VPS13C: variants seen among roughly 807,000 people sequenced by gnomAD.
VPS13C encodes the protein intermembrane lipid transfer protein VPS13C.
A neutral mutation model predicts 456.8 loss-of-function variants in VPS13C; 358 were observed. The observed-to-expected ratio is 0.78, with a 90% CI of 0.72 to 0.86. The LOEUF is 0.86. Among genes scored for constraint, VPS13C ranks in the 40% least tolerant of loss-of-function variants. The pLI, the probability that VPS13C is intolerant of heterozygous loss-of-function variation, is 0.00. For synonymous variants in VPS13C, 1,578 were observed against 1,486.7 expected, an observed-to-expected ratio of 1.06 and a Z score of -1.41; for missense variants, 4,818 against 4,385.4, an observed-to-expected ratio of 1.10 and a Z score of -2.79.
intron 79 of VPS13C, among the ~76,000 whole-genome samples, chr15:61,871,019 A>C (rs1024983387): frequency 2.6e-5 from 4 of 152,102 alleles, no homozygotes; most frequent in Admixed American, 2.6e-4. Context: ...TTTATCACAT[A>C]TATGATTTGC....
intron 1 of VPS13C, among the ~76,000 whole-genome samples, chr15:62,056,421 T>C (rs1416398785): frequency 6.6e-6 from 1 of 152,226 alleles, no homozygotes; most frequent in Non-Finnish European, 1.5e-5. Flanking sequence ...GCGAGCCTTC[T>C]GTTATGCCCG....
rs767551122 is a variant in VPS13C, at chr15:61,964,779, G to A, written c.3134C>T (p.Ser1045Phe). Reference protein sequence around the residue: ...SINYLTTIIPSDDQSISVAKE... With the variant: ...SINYLTTIIPFDDQSISVAKE... ...AGCAACACTTATGCTTTGATCATCA[G>A]ATGGAATAATGGTTGTGAGGTAATT... is the stretch of plus-strand genomic sequence containing the variant. Residue 1045 changes from serine to phenylalanine, a missense_variant, in exon 31 of 85, where the codon TCT (serine) becomes TTT (phenylalanine). Physicochemically the swap from Ser to Phe is radical, Grantham distance 155. This residue lies in a region of VPS13C where 4,552 missense variants were observed against 4,130.6 expected (regional missense o/e 1.10). Transcript: ENST00000644861. The A allele has an allele frequency of 1.2e-6, 2 of 1,612,718 alleles. No homozygotes were observed. The highest frequency in any genetic ancestry group is 2.2e-5 in the South Asian group (2 of 90,916).
intron 66 of VPS13C, among the ~76,000 whole-genome samples, chr15:61,903,460 C>T (rs2043064675): frequency 6.6e-6 from 1 of 151,612 alleles, no homozygotes; most frequent in Non-Finnish European, 1.5e-5. Flanking sequence ...AAAGATTTGA[C>T]CAAAATGTAT....
intron 22 of VPS13C, among the ~76,000 whole-genome samples, chr15:61,980,253 T>C (rs1476941755): frequency 6.9e-6 from 1 of 145,868 alleles, no homozygotes; most frequent in Non-Finnish European, 1.5e-5. Context: ...AGTACCATCT[T>C]AAGGACAAAT....
In VPS13C at chr15:61,921,486, G is replaced by C. The variant is rs547043266; in HGVS notation, c.7062+461C>G. 1.9e-3 allele frequency among the ~76,000 whole-genome samples: 287 copies of C among 151,910 alleles called. 3 individuals are homozygous for C. The highest frequency in any genetic ancestry group is 6.6e-3 in the African/African-American group (272 of 41,450). ...TCTGGTCTCACCCTTAAAAATCACT[G>C]AGTATACTAAAGAGCTTCATTTATG... On this transcript the variant is annotated intron_variant, in intron 55 of 84. Transcript: ENST00000644861.
rs2044713384 is a variant in VPS13C, at chr15:61,949,476, C to A, written c.4726G>T (p.Val1576Leu). Residue 1576 changes from valine (V) to leucine (L), a missense_variant, in exon 42 of 85, where the codon GTG becomes TTG. Around this residue, in one of 3 missense-constraint regions of VPS13C, gnomAD observed 4,552 missense variants for 4,130.6 expected, o/e 1.10. Transcript: ENST00000644861. ...ACAGCGATACTTCTGGACTCCCCCA[C>A]AAGTGGTTTCAGCTCGGATTCCTTC... ...SEKESELKPL[V>L]GESRSIAVKA... The A allele has an allele frequency of 1.2e-6, 2 of 1,613,562 alleles. No individual in the cohort carries two copies. The highest frequency in any genetic ancestry group is 8.5e-7 in the Non-Finnish European group (1 of 1,179,840).
rs2048967375 is a variant in VPS13C at position 62,060,427 on chromosome 15, G to A, written c.-53C>T. On this transcript the variant is annotated 5_prime_UTR_variant, in exon 1 of 85. Transcript: ENST00000644861. ...GGAGCCGGAACCGCCCGGCGCAGCT[G>A]AGGGCTGCGACCAGCGCTGCAAATG... is the stretch of plus-strand genomic sequence containing the variant. 4.3e-6 allele frequency: 4 copies of A among 936,160 alleles called. No individual in the cohort carries two copies. The highest frequency in any genetic ancestry group is 4.2e-5 in the South Asian group (3 of 71,214). 58.0% of individuals were successfully genotyped at this position (936,160 alleles called of 1,614,324 possible).
chr15:61,989,839 C>T (rs1207091739), intron 18 of VPS13C, among the ~76,000 whole-genome samples: 1 of 152,120 alleles, frequency 6.6e-6, no homozygotes, highest in African/African-American at 2.4e-5. Context: ...ATACTGATAG[C>T]GGAAGTGTTT....
intron 29 of VPS13C, among the ~76,000 whole-genome samples, chr15:61,966,370 C>T (rs893252602): frequency 1.3e-5 from 2 of 151,754 alleles, no homozygotes; most frequent in African/African-American, 4.8e-5. Flanking sequence ...TTCTGGGAAA[C>T]TGTAGCTAAG....
intron 47 of VPS13C, 114 bp downstream of exon 47, chr15:61,940,533 T>G: frequency 9.5e-7 from 1 of 1,052,026 alleles, no homozygotes; most frequent in Non-Finnish European, 1.3e-6. Context: ...AAAACTGGTT[T>G]AGCTTTATCA....
At chr15:61,995,680 A>C (rs1299429530) in intron 16 of VPS13C, among the ~76,000 whole-genome samples, 2 of 152,200 alleles carry the variant, frequency 1.3e-5, no homozygotes, top group African/African-American at 4.8e-5. Context: ...AAAAAGCTGG[A>C]GCCTTCCATC....
intron 5 of VPS13C, among the ~76,000 whole-genome samples, chr15:62,028,856 C>T (rs998217731): frequency 6.6e-5 from 10 of 152,036 alleles, no homozygotes; most frequent in Non-Finnish European, 1.3e-4. Flanking sequence ...TTAGTGTGAT[C>T]TGGTCCCTTT....
chr15:61,994,841 G>C (rs1264074719), intron 16 of VPS13C, among the ~76,000 whole-genome samples: 1 of 152,294 alleles, frequency 6.6e-6, no homozygotes, highest in Non-Finnish European at 1.5e-5. Flanking sequence ...GCCCATCTCA[G>C]CTTCCCAAAG....
At chr15:61,884,826 A>G (rs1478589142) in intron 67 of VPS13C, among the ~76,000 whole-genome samples, 3 of 152,144 alleles carry the variant, frequency 2.0e-5, no homozygotes, top group Admixed American at 6.6e-5. Context: ...AGGTGCTGCC[A>G]AATACTGATA....
chr15:61,869,116 C>CTTTTTTTTTTTTTTTTT (rs68084709), intron 80 of VPS13C, among the ~76,000 whole-genome samples: 2 of 131,334 alleles, frequency 1.5e-5, no homozygotes, highest in Non-Finnish European at 3.2e-5. Flanking sequence ...TTTCTTTTTT[C>CTTTTTTTTTTTTTTTTT]TTTTTTTTTT....
chr15:62,038,463 C>T (rs1280001131), intron 3 of VPS13C, among the ~76,000 whole-genome samples: 5 of 151,890 alleles, frequency 3.3e-5, no homozygotes, highest in Admixed American at 2.6e-4. Flanking sequence ...GTGACACACC[C>T]GTCGTTTCAG....
chr15:61,870,618 T>C (rs1044722452), intron 79 of VPS13C, among the ~76,000 whole-genome samples: 1 of 152,236 alleles, frequency 6.6e-6, no homozygotes, highest in Non-Finnish European at 1.5e-5. Context: ...TTTGAACACC[T>C]GTTTTCAAAT....
At chr15:62,012,887 G>A in intron 11 of VPS13C, 152 bp downstream of exon 11, 3 of 486,942 alleles carry the variant, frequency 6.2e-6, no homozygotes, top group Non-Finnish European at 1.0e-5. Flanking sequence ...AAGACACATA[G>A]TGGATTTGAA....
chr15:61,977,171 C>T lies in VPS13C; in HGVS notation c.2319G>A (p.Gln773=). ...GCAATATATGCATAGTTGATGGATGCTGAAATCGACACTTTTTCCAGGTTT... is the reference window on the plus strand; with the variant it reads ...GCAATATATGCATAGTTGATGGATGTTGAAATCGACACTTTTTCCAGGTTT... ...AEETWKKCRF[Q]HPSTMHILQP... Residue 773 remains glutamine, a synonymous_variant, in exon 24 of 85, where the codon CAG becomes CAA. Coordinates refer to ENST00000644861, the MANE Select transcript of VPS13C (RefSeq NM_020821.3). 3 of 1,561,190 alleles carry T rather than the reference C, an allele frequency of 1.9e-6. No homozygotes were observed. Among genetic ancestry groups the T allele is most frequent in the Non-Finnish European group, 2.6e-6 (3 of 1,158,066 alleles).
Sources: gnomAD v4.1 joint callset for allele counts (sites outside exome capture counted in the v4.1 genomes callset) on GRCh38, gnomAD v4.1.1 for gene constraint, gnomAD v4.1.1 regional missense constraint, MANE v1.5 for transcripts, NCBI Gene and HGNC (gene_info 2026-07-23, HGNC 2026-07-21) for gene names.